PARD3: variants seen among roughly 807,000 people sequenced by gnomAD.
PARD3 encodes partitioning defective 3 homolog.
A neutral mutation model predicts 155.4 loss-of-function variants in PARD3; 75 were observed. The ratio of observed to expected loss-of-function variants is 0.48; its 90% CI spans 0.40 to 0.58. The LOEUF (loss-of-function observed/expected upper bound fraction) is 0.58. Ranked by LOEUF, PARD3 falls within the 20% of genes least tolerant of loss-of-function variation. The pLI, the probability that PARD3 is intolerant of heterozygous loss-of-function variation, is 0.00. For missense variants in PARD3, 1,642 were observed against 1,721.7 expected (o/e 0.95, Z 0.82); for synonymous variants, 576 against 610.5 (o/e 0.94, Z 0.83).
chr10:34,469,156 G>T (rs1473342243), intron 4 of PARD3, among the ~76,000 whole-genome samples: 4 of 152,206 alleles, frequency 2.6e-5, no homozygotes, highest in Non-Finnish European at 4.4e-5. Context: ...TGTCGCCCAG[G>T]CTAGAGTGCA....
chr10:34,556,836 C>T (rs764080680), intron 2 of PARD3, among the ~76,000 whole-genome samples: 3 of 152,138 alleles, frequency 2.0e-5, no homozygotes, highest in Non-Finnish European at 4.4e-5. Context: ...CTGTATTGGG[C>T]TATGTTCTAC....
At chr10:34,680,854 G>A (rs1435103666) in intron 2 of PARD3, among the ~76,000 whole-genome samples, 1 of 119,706 alleles carries the variant, frequency 8.4e-6, no homozygotes, top group Non-Finnish European at 1.7e-5. Context: ...GGAGGGGGGA[G>A]GGATAGCATT....
At chr10:34,349,903 A>C (rs1837857252) in intron 14 of PARD3, among the ~76,000 whole-genome samples, 1 of 152,204 alleles carries the variant, frequency 6.6e-6, no homozygotes, top group African/African-American at 2.4e-5. Flanking sequence ...TTATAAAGCC[A>C]AATAAAAATT....
At chr10:34,606,290 C>A (rs1164773352) in intron 2 of PARD3, among the ~76,000 whole-genome samples, 2 of 150,030 alleles carry the variant, frequency 1.3e-5, no homozygotes, top group African/African-American at 4.9e-5. Flanking sequence ...GTCACGTGCT[C>A]CGGGTGCAGA....
At position 34,111,631 on chromosome 10, in the gene PARD3, G is replaced by A. The variant is rs1330493126; in HGVS notation, c.3669-69C>T. ...GAGGGAGAGGGAGGAAAGGGGGCAG[G>A]ATGGGATGGAATATGCATTTTCACT... On this transcript the variant is annotated intron_variant, in intron 24 of 24. Transcript: ENST00000374788. 1.1e-5 allele frequency: 14 copies of A among 1,282,760 alleles called. No individual in the cohort carries two copies. The East Asian group carries it at 3.3e-4, about 30-fold the overall frequency. 79.5% of individuals were successfully genotyped at this position (1,282,760 alleles called of 1,614,324 possible). A position where few individuals can be genotyped will look rare whatever the true frequency, so the allele number is the denominator to read the frequency against.
At chr10:34,159,278 A>G (rs931421460) in intron 22 of PARD3, among the ~76,000 whole-genome samples, 2 of 152,180 alleles carry the variant, frequency 1.3e-5, no homozygotes, top group African/African-American at 4.8e-5. Context: ...TTTAGCTTCT[A>G]CTGCTACTCA....
chr10:34,218,614 A>G (rs531337366), intron 22 of PARD3, among the ~76,000 whole-genome samples: 28 of 152,326 alleles, frequency 1.8e-4, no homozygotes, highest in African/African-American at 6.7e-4. Flanking sequence ...CAAGAGAAAA[A>G]CAAATTTTTT....
chr10:34,128,772 G>GT (rs1947430343), intron 23 of PARD3, among the ~76,000 whole-genome samples: 1 of 152,154 alleles, frequency 6.6e-6, no homozygotes, highest in Non-Finnish European at 1.5e-5. Context: ...GTAATATATT[G>GT]TGAGTATTGG....
At chr10:34,570,317 T>G (rs1247854728) in intron 2 of PARD3, among the ~76,000 whole-genome samples, 1 of 152,222 alleles carries the variant, frequency 6.6e-6, no homozygotes, top group Admixed American at 6.5e-5. Context: ...ATAGACTGTT[T>G]TTGTTTCCAT....
chr10:34,506,037 A>G (rs972694442), intron 3 of PARD3, among the ~76,000 whole-genome samples: 1 of 152,156 alleles, frequency 6.6e-6, no homozygotes, highest in African/African-American at 2.4e-5. Flanking sequence ...GAGGCAGGAG[A>G]ATCACTTGAA....
chr10:34,716,198 C>T (rs77734297), intron 1 of PARD3, among the ~76,000 whole-genome samples: 9 of 152,154 alleles, frequency 5.9e-5, no homozygotes, highest in Admixed American at 1.3e-4. Flanking sequence ...AAATGTAATG[C>T]GTGTGCCTTC....
intron 8 of PARD3, 63 bp from the exon 9 acceptor site, chr10:34,382,985 G>A: frequency 2.6e-6 from 4 of 1,540,576 alleles, no homozygotes; most frequent in Non-Finnish European, 3.5e-6. Context: ...GATATTATGA[G>A]CTTAATTAAG....
chr10:34,701,201 A>C (rs537046037), intron 1 of PARD3, among the ~76,000 whole-genome samples: 1 of 152,280 alleles, frequency 6.6e-6, no homozygotes, highest in South Asian at 2.1e-4. Flanking sequence ...AGCAGCAGGG[A>C]AGAATGGCAG....
intron 5 of PARD3, among the ~76,000 whole-genome samples, chr10:34,433,901 C>A (rs572836849): frequency 2.0e-5 from 3 of 152,134 alleles, no homozygotes; most frequent in Admixed American, 6.6e-5. Flanking sequence ...TTGAGTCATG[C>A]CTCCCTCGAA....
At chr10:34,661,208 T>C (rs868808509) in intron 2 of PARD3, among the ~76,000 whole-genome samples, 14 of 152,186 alleles carry the variant, frequency 9.2e-5, no homozygotes, top group Admixed American at 6.5e-4. Context: ...TCATTTTTAA[T>C]TGAAGCTATA....
intron 3 of PARD3, among the ~76,000 whole-genome samples, chr10:34,495,460 A>G (rs930805773): frequency 2.6e-5 from 4 of 152,212 alleles, no homozygotes; most frequent in Non-Finnish European, 5.9e-5. Context: ...GACTCACTAC[A>G]TTTTCAGACA....
At chr10:34,579,820 C>T (rs539532479) in intron 2 of PARD3, among the ~76,000 whole-genome samples, 1 of 150,668 alleles carries the variant, frequency 6.6e-6, no homozygotes, top group East Asian at 2.0e-4. Context: ...CTTGATCCAC[C>T]CACTCTCCAA....
intron 1 of PARD3, among the ~76,000 whole-genome samples, chr10:34,761,776 G>T (rs1327282270): frequency 1.3e-5 from 2 of 152,094 alleles, no homozygotes; most frequent in African/African-American, 4.8e-5. Flanking sequence ...CAAAGAAAGG[G>T]CTATGGTGTT....
At position 34,785,525 on chromosome 10, in the gene PARD3, T is replaced by C. The variant is rs1004715208; in HGVS notation, c.120+29351A>G. Among the ~76,000 whole-genome samples, 5 of 151,980 alleles carry C rather than the reference T, an allele frequency of 3.3e-5. No homozygotes were observed. The East Asian group carries it at 5.8e-4, about 18-fold the overall frequency. On this transcript the variant is annotated intron_variant, in intron 1 of 24. Coordinates refer to ENST00000374788, the MANE Select transcript of PARD3 (RefSeq NM_001184785.2). ...CTTTGGGAGGCTGAGGCAGGCAGAT[T>C]GCTTGAGCCCAAGAGTTAGAGACCA... is the stretch of plus-strand genomic sequence containing the variant.
Sources: gnomAD v4.1 joint callset for allele counts (sites outside exome capture counted in the v4.1 genomes callset) on GRCh38, gnomAD v4.1.1 for gene constraint, MANE v1.5 for transcripts, NCBI Gene and HGNC (gene_info 2026-07-23, HGNC 2026-07-21) for gene names.